Variants in CDH22 observed in about 807,000 individuals in gnomAD.
The protein encoded by CDH22 is cadherin-22.
In CDH22, 30 loss-of-function variants were observed where a neutral mutation model predicts 58.4. The ratio of observed to expected loss-of-function variants is 0.51; its 90% CI spans 0.38 to 0.70. The LOEUF (loss-of-function observed/expected upper bound fraction) is 0.70. CDH22 is among the 30% of genes least tolerant of loss of function. The pLI is 0.00. For synonymous variants in CDH22, 513 were observed against 558.2 expected (o/e 0.92, Z 1.14); for missense variants, 1,014 against 1,233.9 (o/e 0.82, Z 2.67).
intron 4 of CDH22, among the ~76,000 whole-genome samples, chr20:46,222,871 G>C (rs899309583): frequency 6.6e-6 from 1 of 152,254 alleles, no homozygotes; most frequent in Non-Finnish European, 1.5e-5. Context: ...CCCAGGCCCC[G>C]TTCCGGCTCT....
chr20:46,254,567 A>G (rs1011777923), intron 1 of CDH22, among the ~76,000 whole-genome samples: 2 of 151,904 alleles, frequency 1.3e-5, no homozygotes, highest in Admixed American at 6.6e-5. Flanking sequence ...AAAAAAAAAA[A>G]AAAAAAAAAT....
chr20:46,234,047 C>A (rs1386222426), intron 3 of CDH22, among the ~76,000 whole-genome samples: 2 of 152,196 alleles, frequency 1.3e-5, no homozygotes, highest in African/African-American at 4.8e-5. Flanking sequence ...GAACACACTC[C>A]TTCCTGCCTT....
chr20:46,295,900 T>A (rs931755024), intron 1 of CDH22, among the ~76,000 whole-genome samples: 1 of 152,204 alleles, frequency 6.6e-6, no homozygotes, highest in African/African-American at 2.4e-5. Flanking sequence ...GTAACTGGGA[T>A]TACAGTCGTG....
chr20:46,262,066 A>G (rs977627084), intron 1 of CDH22, among the ~76,000 whole-genome samples: 4 of 152,144 alleles, frequency 2.6e-5, no homozygotes, highest in African/African-American at 9.7e-5. Context: ...TACACATACT[A>G]GGTGCTCAAT....
At chr20:46,307,489 C>T (rs1178953263) in intron 1 of CDH22, among the ~76,000 whole-genome samples, 1 of 152,328 alleles carries the variant, frequency 6.6e-6, no homozygotes, top group East Asian at 1.9e-4. Flanking sequence ...TCGGGGGCCC[C>T]GTCCTTCTTC....
chr20:46,199,282 A>T, intron 8 of CDH22, 141 bp downstream of exon 8: 1 of 998,670 alleles, frequency 1.0e-6, no homozygotes, highest in Non-Finnish European at 1.4e-6. Context: ...TCTTCGCACC[A>T]TCCCCAACCT....
chr20:46,238,910 C>A (rs887150617), intron 3 of CDH22, among the ~76,000 whole-genome samples: 2 of 152,362 alleles, frequency 1.3e-5, no homozygotes, highest in African/African-American at 2.4e-5. Flanking sequence ...ATTGACTTCT[C>A]AGCTTGTTCA....
intron 1 of CDH22, among the ~76,000 whole-genome samples, chr20:46,284,769 C>T (rs1256258305): frequency 6.6e-6 from 1 of 152,174 alleles, no homozygotes; most frequent in Non-Finnish European, 1.5e-5. Flanking sequence ...TCTGTCCCTC[C>T]AGGCCGCCTC....
chr20:46,228,667 T>TG (rs973896693), intron 3 of CDH22, among the ~76,000 whole-genome samples: 12 of 151,914 alleles, frequency 7.9e-5, no homozygotes, highest in African/African-American at 2.9e-4. Context: ...GAGTGAGTCT[T>TG]GGGGGTTCAG....
intron 1 of CDH22, among the ~76,000 whole-genome samples, chr20:46,259,064 T>C (rs1458747916): frequency 6.6e-6 from 1 of 152,234 alleles, no homozygotes; most frequent in Admixed American, 6.5e-5. Flanking sequence ...GTGGTCCCTG[T>C]TCTTAAGGCA....
intron 1 of CDH22, among the ~76,000 whole-genome samples, chr20:46,289,794 A>T (rs1041518377): frequency 1.8e-4 from 28 of 152,220 alleles, no homozygotes; most frequent in Admixed American, 1.7e-3. Flanking sequence ...AGCTAGAAAC[A>T]TGAGCCAAGG....
chr20:46,198,319 CACACACACACACAT>C (rs927513734), intron 8 of CDH22, among the ~76,000 whole-genome samples: 4 of 151,280 alleles, frequency 2.6e-5, no homozygotes, highest in African/African-American at 9.8e-5. Context: ...CACACACACA[CACACACACACACAT>C]ATTCTTCCAG....
chr20:46,235,438 T>C lies in CDH22; in HGVS notation c.550+5525A>G, dbSNP rs563361752. On this transcript the variant is annotated intron_variant, in intron 3 of 11. Coordinates refer to ENST00000537909, the MANE Select transcript of CDH22 (RefSeq NM_021248.3). ...TCTCTGCTGCTGACTTCCAAAGTTGTATCTTTAGCCTCATCTCTCTTCTGA... is the reference window on the plus strand; with the variant it reads ...TCTCTGCTGCTGACTTCCAAAGTTGCATCTTTAGCCTCATCTCTCTTCTGA... 1.4e-4 allele frequency among the ~76,000 whole-genome samples: 22 copies of C among 152,350 alleles called. No individual in the cohort carries two copies. In the South Asian group the frequency reaches 4.4e-3, roughly 30 times the overall value.
chr20:46,225,141 G>A (rs1350985935), intron 4 of CDH22, among the ~76,000 whole-genome samples: 5 of 152,236 alleles, frequency 3.3e-5, no homozygotes, highest in Non-Finnish European at 5.9e-5. Context: ...CGGGAGTGTC[G>A]TCTGGTACAT....
chr20:46,181,773 T>TTCTTTCTTTCTTTCTTTC (rs1600684561), intron 10 of CDH22, among the ~76,000 whole-genome samples: 1 of 136,524 alleles, frequency 7.3e-6, no homozygotes, highest in East Asian at 2.1e-4. Flanking sequence ...CTTTCTTTCT[T>TTCTTTCTTTCTTTCTTTC]TCTTTCTTTC....
At chr20:46,256,130 T>C (rs1450092474) in intron 1 of CDH22, among the ~76,000 whole-genome samples, 3 of 152,222 alleles carry the variant, frequency 2.0e-5, no homozygotes, top group Admixed American at 6.5e-5. Flanking sequence ...TGATATGCAT[T>C]CCTTCATTTC....
At position 46,289,537 on chromosome 20, in the gene CDH22, T is replaced by C. The variant is rs540141601; in HGVS notation, c.-400+18718A>G. Among the ~76,000 whole-genome samples the C allele has an allele frequency of 2.0e-5, 3 of 152,354 alleles. No homozygotes were observed. In the South Asian group the frequency reaches 6.2e-4, roughly 32 times the overall value. On this transcript the variant is annotated intron_variant, in intron 1 of 11. Transcript: ENST00000537909. ...TCTATCTGTCTTCCTGTTTGTCTGC[T>C]TGTCTGTCTCCCCCAGCAGACAGCG...
At chr20:46,229,455 G>T (rs1305526081) in intron 3 of CDH22, among the ~76,000 whole-genome samples, 1 of 152,192 alleles carries the variant, frequency 6.6e-6, no homozygotes, top group African/African-American at 2.4e-5. Flanking sequence ...GGGGACAGTG[G>T]TCTGGTGTAC....
At position 46,208,062 on chromosome 20, in the gene CDH22, A is replaced by G. The variant is rs190470019; in HGVS notation, c.1286+2245T>C. 7.2e-5 allele frequency among the ~76,000 whole-genome samples: 11 copies of G among 152,104 alleles called. No individual in the cohort carries two copies. In the East Asian group the frequency reaches 1.5e-3, roughly 21 times the overall value. On this transcript the variant is annotated intron_variant, in intron 7 of 11. Transcript: ENST00000537909. Reference sequence around the variant, plus strand: ...GCACAATGCAGAGGTCCTCAAATAAACTTTCCCTCCCCCTCTCCTCAATGC... The same window carrying G: ...GCACAATGCAGAGGTCCTCAAATAAGCTTTCCCTCCCCCTCTCCTCAATGC...
Sources: gnomAD v4.1 joint callset for allele counts (sites outside exome capture counted in the v4.1 genomes callset) on GRCh38, gnomAD v4.1.1 for gene constraint, MANE v1.5 for transcripts, NCBI Gene and HGNC (gene_info 2026-07-23, HGNC 2026-07-21) for gene names.